Variants in AXIN2 observed in about 807,000 individuals in gnomAD.
AXIN2 encodes the protein axin-2.
AXIN2 carries 21 observed loss-of-function variants against 74.7 expected under a neutral mutation model. The observed-to-expected ratio is 0.28, with a 90% CI of 0.20 to 0.40. The LOEUF is 0.40. Among genes scored for constraint, AXIN2 ranks in the 10% least tolerant of loss-of-function variants. The probability of loss-of-function intolerance (pLI) is 1.00; values close to 1 mark genes in which losing one functional copy is unlikely to be tolerated. For missense variants in AXIN2, 1,144 were observed against 1,111.1 expected, an observed-to-expected ratio of 1.03 and a Z score of -0.42; for synonymous variants, 532 against 454.9, an observed-to-expected ratio of 1.17 and a Z score of -2.16.
At chr17:65,538,631 T>G (rs1277724809) in intron 4 of AXIN2, among the ~76,000 whole-genome samples, 3 of 107,648 alleles carry the variant, frequency 2.8e-5, no homozygotes. Context: ...GTAGTTACTT[T>G]GAAGTAGAAA....
intron 9 of AXIN2, 54 bp downstream of exon 9, chr17:65,535,572 T>G: frequency 1.3e-6 from 2 of 1,549,336 alleles, no homozygotes; most frequent in Non-Finnish European, 1.8e-6. Context: ...TAGCGAATAT[T>G]CTGAAACATA....
intron 2 of AXIN2, among the ~76,000 whole-genome samples, chr17:65,554,284 A>G (rs2044236612): frequency 6.6e-6 from 1 of 152,122 alleles, no homozygotes; most frequent in Non-Finnish European, 1.5e-5. Flanking sequence ...TCCCTTCTCA[A>G]AACAATGCAA....
intron 3 of AXIN2, among the ~76,000 whole-genome samples, chr17:65,545,780 G>A (rs1433670495): frequency 1.3e-5 from 2 of 152,130 alleles, no homozygotes; most frequent in African/African-American, 4.8e-5. Flanking sequence ...CAGGAAAACA[G>A]AAGTCAGCAG....
rs749661173 is a variant in AXIN2 at position 65,558,658 on chromosome 17, C to T, written c.-38G>A. 2.5e-6 allele frequency: 4 copies of T among 1,587,006 alleles called. No individual in the cohort carries two copies. Among genetic ancestry groups the T allele is most frequent in the Non-Finnish European group, 3.4e-6 (4 of 1,172,356 alleles). On this transcript the variant is annotated 5_prime_UTR_variant, in exon 2 of 11. Coordinates refer to ENST00000307078, the MANE Select transcript of AXIN2 (RefSeq NM_004655.4). ...CTTCCCACTGAGTCTGGGAATTTTT[C>T]TTCTTCCAGTTCCTCTCAGCAATCG...
rs1255544233 is a variant in AXIN2 at position 65,558,676 on chromosome 17, A to G, written c.-56T>C. 5 of 1,543,326 alleles carry G rather than the reference A, an allele frequency of 3.2e-6. No individual in the cohort carries two copies. The highest frequency in any genetic ancestry group is 4.4e-6 in the Non-Finnish European group (5 of 1,142,786). On this transcript the variant is annotated 5_prime_UTR_variant, in exon 2 of 11. Coordinates refer to ENST00000307078, the MANE Select transcript of AXIN2 (RefSeq NM_004655.4). ...AATTTTTCTTCTTCCAGTTCCTCTCAGCAATCGGCGTGGTCTCTCTGTCTC... is the reference window on the plus strand; with the variant it reads ...AATTTTTCTTCTTCCAGTTCCTCTCGGCAATCGGCGTGGTCTCTCTGTCTC...
rs79596667 is a variant in AXIN2 at position 65,542,952 on chromosome 17, A to G, written c.957-1395T>C. Among the ~76,000 whole-genome samples the G allele has an allele frequency of 8.3e-4, 126 of 152,360 alleles. 1 individual carries two copies. The East Asian group carries it at 0.024, about 29-fold the overall frequency. On this transcript the variant is annotated intron_variant, in intron 3 of 10. Transcript: ENST00000307078. ...AGCCAGGAGTAACTAGTCAACCTCT[A>G]GCTCCTTATCTGAAATGCCCTAGAA...
At chr17:65,561,388 C>T (rs1158077990) in intron 1 of AXIN2, 62 bp downstream of exon 1, 2 of 147,790 alleles carry the variant, frequency 1.4e-5, no homozygotes, top group Admixed American at 1.3e-4. Flanking sequence ...CGCGACCTCG[C>T]CCCCTGTAAG....
At position 65,537,625 on chromosome 17, in the gene AXIN2, G is replaced by A. The variant is rs544255284; in HGVS notation, c.1411C>T (p.His471Tyr). The A allele has an allele frequency of 5.0e-6, 8 of 1,593,694 alleles. No individual in the cohort carries two copies. The African/African-American group carries it at 1.1e-4, about 21-fold the overall frequency. Residue 471 changes from histidine (H) to tyrosine (Y), a missense_variant, in exon 6 of 11, where the codon CAC becomes TAC. Transcript: ENST00000307078. ...GAGTGGTACTGCGAATGGTGGTGGT[G>A]GTGGTGGTCCGGGGAGCGGGAGCGG... ...SPRSRSPDHH[H>Y]HHHSQYHSLL...
In AXIN2 at chr17:65,539,088, TA is replaced by T. The variant is rs2043999392; in HGVS notation, c.1060-746del. On this transcript the variant is annotated intron_variant, in intron 4 of 10. Coordinates refer to ENST00000307078, the MANE Select transcript of AXIN2 (RefSeq NM_004655.4). Reference sequence around the variant, plus strand: ...ACATCTCCAAATCAAGTGCAGAATATAAAAAGGCACCGAGTACGCCTGCCAA... The same window carrying T: ...ACATCTCCAAATCAAGTGCAGAATATAAAAGGCACCGAGTACGCCTGCCAA... Among the ~76,000 whole-genome samples the T allele has an allele frequency of 2.6e-5, 4 of 152,212 alleles. No individual in the cohort carries two copies. The South Asian group carries it at 8.3e-4, about 32-fold the overall frequency.
At chr17:65,531,380 C>G (rs2043812962) in intron 10 of AXIN2, among the ~76,000 whole-genome samples, 1 of 151,622 alleles carries the variant, frequency 6.6e-6, no homozygotes, top group Non-Finnish European at 1.5e-5. Flanking sequence ...ATGGCTCTGA[C>G]TAGGCAGCAC....
In AXIN2 at chr17:65,544,142, A is replaced by G. The variant is rs149037706; in HGVS notation, c.957-2585T>C. ...GACATAAGGCTTCAAGAGTCCTAGA[A>G]GAGTCCCCCGTCCACCCCCTCCAAG... On this transcript the variant is annotated intron_variant, in intron 3 of 10. Coordinates refer to ENST00000307078, the MANE Select transcript of AXIN2 (RefSeq NM_004655.4). Among the ~76,000 whole-genome samples, 957 of 152,150 alleles carry G rather than the reference A, an allele frequency of 6.3e-3. 9 individuals carry two copies. Among genetic ancestry groups the G allele is most frequent in the Non-Finnish European group, 7.4e-3 (500 of 67,992 alleles).
intron 10 of AXIN2, among the ~76,000 whole-genome samples, chr17:65,533,501 C>T (rs1598093430): frequency 1.3e-5 from 2 of 152,208 alleles, no homozygotes; most frequent in African/African-American, 4.8e-5. Flanking sequence ...CGCTTCCAGA[C>T]CCTCCCTCCT....
At chr17:65,538,104 GCA>G in intron 5 of AXIN2, 97 bp downstream of exon 5, 6 of 1,583,708 alleles carry the variant, frequency 3.8e-6, no homozygotes, top group Non-Finnish European at 5.1e-6. Flanking sequence ...TGCAACCCAC[GCA>G]CATGCGCACA....
rs139871607 is a variant in AXIN2 at position 65,538,235 on chromosome 17, T to C, written c.1168A>G (p.Ser390Gly). Residue 390 changes from serine (S) to glycine (G), a missense_variant, in exon 5 of 11, where the codon AGC becomes GGC. Coordinates refer to ENST00000307078, the MANE Select transcript of AXIN2 (RefSeq NM_004655.4). The stretch of plus-strand genomic sequence containing the variant: ...ATCTGCTGCAGGCGCTCCTCCAGGC[T>C]GTGGCGGCTCTCCAACTCCAGCTTC... ...KLKLELESRH[S>G]LEERLQQIRE... 1.0e-3 allele frequency: 1,670 copies of C among 1,614,190 alleles called. 2 individuals carry two copies. Among genetic ancestry groups the C allele is most frequent in the Non-Finnish European group, 1.3e-3 (1,589 of 1,180,030 alleles).
chr17:65,537,749 G>A lies in AXIN2; in HGVS notation c.1287C>T (p.Gly429=), dbSNP rs1454163044. ...TCGTCTGCGGGTCTTCCTCGTAGCT[G>A]CCGGAGGGCAGTAGGGAGAGGGGGT... The part of the protein sequence containing the change: ...TQHPLSLLPS[G]SYEEDPQTIL... The change falls in exon 6 of 11, where the codon GGC becomes GGT. Residue 429 remains glycine, a synonymous_variant. Transcript: ENST00000307078. The A allele has an allele frequency of 1.3e-6, 2 of 1,574,936 alleles. No homozygotes were observed. The highest frequency in any genetic ancestry group is 2.3e-5 in the South Asian group (2 of 86,404).
chr17:65,537,080 A>C lies in AXIN2; in HGVS notation c.1713-17T>G. 1.3e-6 allele frequency: 2 copies of C among 1,597,014 alleles called. No homozygotes were observed. Among genetic ancestry groups the C allele is most frequent in the Non-Finnish European group, 1.7e-6 (2 of 1,177,106 alleles). On this transcript the variant is annotated splice_polypyrimidine_tract_variant and intron_variant, in intron 6 of 10. Transcript: ENST00000307078. ...CTGCTGCCGCTGTGGGGAACCAAGA[A>C]CCACACCCAACCCAGAGACCCGGTT...
chr17:65,558,499 C>A lies in AXIN2; in HGVS notation c.122G>T (p.Gly41Val), dbSNP rs751061508. Residue 41 changes from glycine to valine, a missense_variant, in exon 2 of 11, where the codon GGC becomes GTC. Around this residue, in one of 4 missense-constraint regions of AXIN2, gnomAD observed 1,053 missense variants for 973.5 expected, o/e 1.08. Transcript: ENST00000307078. The stretch of plus-strand genomic sequence containing the variant: ...CATGGGTTTGGTGACCTGGCCCTTG[C>A]CCACCCCTGGCTGACACGGTGGGGT... ...GETPPCQPGV[G>V]KGQVTKPMPV... 1 of 1,612,130 alleles carries A rather than the reference C, an allele frequency of 6.2e-7. No individual in the cohort carries two copies. The highest frequency in any genetic ancestry group is 1.7e-5 in the Admixed American group (1 of 59,936).
At chr17:65,533,822 G>C in intron 10 of AXIN2, 90 bp downstream of exon 10, 1 of 596,244 alleles carries the variant, frequency 1.7e-6, no homozygotes, top group Non-Finnish European at 2.9e-6. Flanking sequence ...GCCCCACCTA[G>C]GTCTGCTCAG....
At chr17:65,559,098 G>A (rs904538592) in intron 1 of AXIN2, among the ~76,000 whole-genome samples, 1 of 151,992 alleles carries the variant, frequency 6.6e-6, no homozygotes, top group Non-Finnish European at 1.5e-5. Context: ...CTCAGCCCGC[G>A]CCTCGCCTTC....
Sources: allele counts gnomAD v4.1 joint callset (sites outside exome capture counted in the v4.1 genomes callset), GRCh38; gene constraint gnomAD v4.1.1; regional missense constraint gnomAD v4.1.1; transcripts MANE v1.5; gene names NCBI Gene and HGNC (gene_info 2026-07-23, HGNC 2026-07-21).